BRF1: variants seen among roughly 807,000 people sequenced by gnomAD.
The protein encoded by BRF1 is BRF1 general transcription factor IIIB subunit.
In BRF1, 59 loss-of-function variants were observed where a neutral mutation model predicts 81.7. The observed-to-expected ratio is 0.72, with a 90% CI of 0.59 to 0.90. BRF1 has a LOEUF of 0.90. Among genes scored for constraint, BRF1 ranks in the 40% least tolerant of loss-of-function variants. The probability of loss-of-function intolerance (pLI) is 0.00; values close to 1 mark genes in which losing one functional copy is unlikely to be tolerated. For missense variants in BRF1, 1,050 were observed against 936.3 expected (o/e 1.12, Z -1.58); for synonymous variants, 491 against 395.6 (o/e 1.24, Z -2.86).
chr14:105,290,887 C>T lies in BRF1; in HGVS notation c.185-4511G>A, dbSNP rs192843553. The stretch of plus-strand genomic sequence containing the variant: ...CGCCTCCTGGCTTCTGCTTGCCTCA[C>T]ACCCTGGTGCGTGCACACTTGCAGG... On this transcript the variant is annotated intron_variant, in intron 1 of 17. Transcript: ENST00000547530. 1.5e-3 allele frequency among the ~76,000 whole-genome samples: 224 copies of T among 152,156 alleles called. 1 individual carries two copies. The highest frequency in any genetic ancestry group is 5.1e-3 in the African/African-American group (210 of 41,496).
chr14:105,258,609 C>A (rs907988670), intron 3 of BRF1, among the ~76,000 whole-genome samples: 29 of 151,692 alleles, frequency 1.9e-4, no homozygotes, highest in African/African-American at 6.8e-4. Flanking sequence ...ACCAGCCTGG[C>A]CAACATGGTG....
At chr14:105,244,921 T>C (rs587736465) in intron 5 of BRF1, among the ~76,000 whole-genome samples, 1 of 149,964 alleles carries the variant, frequency 6.7e-6, no homozygotes, top group East Asian at 1.9e-4. Flanking sequence ...TAACAGCACA[T>C]AGGACATGCC....
chr14:105,211,304 G>A lies in BRF1; in HGVS notation c.1825-11C>T. On this transcript the variant is annotated splice_polypyrimidine_tract_variant and intron_variant, in intron 16 of 17. Coordinates refer to ENST00000547530, the MANE Select transcript of BRF1 (RefSeq NM_001519.4). ...GCTTGGGAGCAAAGCCTGGAACGAA[G>A]TGGGGCTCTGACACACACAGAGCTG... The A allele has an allele frequency of 6.3e-7, 1 of 1,581,872 alleles. No individual in the cohort carries two copies.
At position 105,309,049 on chromosome 14, in the gene BRF1, T is replaced by C. The variant is rs776160693; in HGVS notation, c.-162+6273A>G. Reference sequence around the variant, plus strand: ...GAAATCCATCCTGCACGAAGAGCACTGAGGTTGAGTGTTGGTTGACACGTG... The same window carrying C: ...GAAATCCATCCTGCACGAAGAGCACCGAGGTTGAGTGTTGGTTGACACGTG... On this transcript the variant is annotated intron_variant, in intron 1 of 17. Coordinates refer to the BRF1 transcript ENST00000327359. The surrounding 1 kb of genome is among the most constrained non-coding windows in gnomAD (Gnocchi z 4.0). Among the ~76,000 whole-genome samples the C allele has an allele frequency of 1.3e-5, 2 of 152,022 alleles. No individual in the cohort carries two copies. The highest frequency in any genetic ancestry group is 2.9e-5 in the Non-Finnish European group (2 of 67,982).
intron 1 of BRF1, chr14:105,314,968 A>G: frequency 8.2e-7 from 1 of 1,223,330 alleles, no homozygotes; most frequent in South Asian, 1.6e-5. Context: ...GGCGCGCTCA[A>G]CACGCCCGTG....
chr14:105,256,372 G>A, intron 4 of BRF1, 146 bp downstream of exon 4: 4 of 1,585,298 alleles, frequency 2.5e-6, no homozygotes, highest in Non-Finnish European at 3.4e-6. Context: ...TCATCCTACA[G>A]ACCAAAACTT....
intron 3 of BRF1, among the ~76,000 whole-genome samples, chr14:105,270,182 T>A (rs1039872163): frequency 1.3e-5 from 2 of 151,568 alleles, no homozygotes; most frequent in Non-Finnish European, 3.0e-5. Flanking sequence ...GACTTTTTTT[T>A]TTTTTTTTTG....
At position 105,210,720 on chromosome 14, in the gene BRF1, C is replaced by A. The variant is rs952780463; in HGVS notation, c.1997-132G>T. 1.1e-4 allele frequency: 112 copies of A among 1,022,230 alleles called. No individual in the cohort carries two copies. Among genetic ancestry groups the A allele is most frequent in the Non-Finnish European group, 1.6e-4 (110 of 699,024 alleles). The allele number at this position is 1,022,230 out of a possible 1,614,324, so 63.3% of individuals were successfully genotyped here. A position where few individuals can be genotyped will look rare whatever the true frequency, so the allele number is the denominator to read the frequency against. ...GCCCCAGCCCCAGCCCCCCGCGCCC[C>A]GCCAGGAGCCATCTTGGGCTCCTCT... On this transcript the variant is annotated intron_variant, in intron 17 of 17. Transcript: ENST00000547530. The surrounding 1 kb of genome is among the most constrained non-coding windows in gnomAD (Gnocchi z 4.7).
At position 105,309,931 on chromosome 14, in the gene BRF1, G is replaced by A. The variant is rs919219604; in HGVS notation, c.-162+5391C>T. 5.3e-5 allele frequency among the ~76,000 whole-genome samples: 8 copies of A among 151,474 alleles called. No individual in the cohort carries two copies. Among genetic ancestry groups the A allele is most frequent in the Non-Finnish European group, 8.8e-5 (6 of 67,874 alleles). ...CTCCCGACTAGCTGGGACTACAGGCGCCCGCCACCACACCCGACTAATTTT... is the reference window on the plus strand; with the variant it reads ...CTCCCGACTAGCTGGGACTACAGGCACCCGCCACCACACCCGACTAATTTT... On this transcript the variant is annotated intron_variant, in intron 1 of 17. Transcript: ENST00000327359. The surrounding 1 kb of genome is among the most constrained non-coding windows in gnomAD (Gnocchi z 4.0).
At chr14:105,307,344 C>T (rs1479462255) in intron 1 of BRF1, among the ~76,000 whole-genome samples, 1 of 152,182 alleles carries the variant, frequency 6.6e-6, no homozygotes, top group Non-Finnish European at 1.5e-5. Flanking sequence ...GATACCACCC[C>T]CAAGCCCAGA....
chr14:105,226,871 G>T, intron 7 of BRF1, 111 bp from the exon 8 acceptor site: 1 of 1,528,180 alleles, frequency 6.5e-7, no homozygotes, highest in South Asian at 1.1e-5. Flanking sequence ...TGCTTTGGGA[G>T]CCCAAGGTGG....
chr14:105,241,187 C>T (rs1324002664), intron 6 of BRF1, 78 bp downstream of exon 6: 19 of 1,573,240 alleles, frequency 1.2e-5, no homozygotes, highest in Admixed American at 1.7e-5. Flanking sequence ...CGGCCCAGCC[C>T]ACCAGCACTC....
Position 105,212,436 on chromosome 14 carries a change from CA to C in BRF1, c.1773-273del, listed in dbSNP as rs1890271085. 6.7e-6 allele frequency: 3 copies of C among 444,872 alleles called. No individual in the cohort carries two copies. In the Admixed American group the frequency reaches 1.1e-4, roughly 16 times the overall value. 27.6% of individuals were successfully genotyped at this position (444,872 alleles called of 1,614,324 possible). ...CCCGCTCCCCAGCCCACTCCCCTTC[CA>C]ACAGTGCCTGAGCCCTCAAGGAGCT... On this transcript the variant is annotated intron_variant, in intron 15 of 17. Coordinates refer to ENST00000547530, the MANE Select transcript of BRF1 (RefSeq NM_001519.4).
rs375218665 is a variant in BRF1 at position 105,288,764 on chromosome 14, G to A, written c.185-2388C>T. ...TTCTCCTGCCTCAGCCTCCCGAGTA[G>A]CTGGGACTACAGGTGCCTGCAACCA... On this transcript the variant is annotated intron_variant, in intron 1 of 17. Coordinates refer to ENST00000547530, the MANE Select transcript of BRF1 (RefSeq NM_001519.4). Among the ~76,000 whole-genome samples, 76 of 151,404 alleles carry A rather than the reference G, an allele frequency of 5.0e-4. No individual in the cohort carries two copies. In the South Asian group the frequency reaches 6.3e-3, roughly 12 times the overall value.
At chr14:105,298,966 C>T (rs758669152) in intron 1 of BRF1, among the ~76,000 whole-genome samples, 6 of 151,750 alleles carry the variant, frequency 4.0e-5, no homozygotes, top group African/African-American at 7.3e-5. Flanking sequence ...GTCAGGAGAT[C>T]GAGACCATCC....
chr14:105,302,975 C>T (rs1667793302), upstream of BRF1, among the ~76,000 whole-genome samples: 1 of 151,710 alleles, frequency 6.6e-6, no homozygotes, highest in Admixed American at 6.6e-5. Flanking sequence ...AACACCCAGG[C>T]TGGAGTTCAG....
chr14:105,296,196 T>A (rs2057737197), intron 1 of BRF1, among the ~76,000 whole-genome samples: 1 of 151,646 alleles, frequency 6.6e-6, no homozygotes, highest in South Asian at 2.1e-4. Flanking sequence ...GTGGATCGCC[T>A]GGCCAACATG....
intron 4 of BRF1, among the ~76,000 whole-genome samples, chr14:105,252,795 C>T (rs1282271151): frequency 1.3e-5 from 2 of 152,216 alleles, no homozygotes; most frequent in Non-Finnish European, 2.9e-5. Flanking sequence ...GCCGTGCTGC[C>T]GTCTCGCCAA....
intron 5 of BRF1, chr14:105,247,610 A>G (rs1365721966): frequency 4.1e-5 from 40 of 985,166 alleles, no homozygotes; most frequent in Non-Finnish European, 4.5e-5. Context: ...GCTCCTGTTC[A>G]CTGTTTAGCC....
Sources: gnomAD v4.1 joint callset for allele counts (sites outside exome capture counted in the v4.1 genomes callset) on GRCh38, gnomAD v4.1.1 for gene constraint, Gnocchi (gnomAD v3.1) non-coding constraint, MANE v1.5 for transcripts, NCBI Gene and HGNC (gene_info 2026-07-23, HGNC 2026-07-21) for gene names.